Variants in NEK1 observed in about 807,000 individuals in gnomAD.
NEK1 encodes serine/threonine-protein kinase Nek1.
NEK1 carries 137 observed loss-of-function variants against 182.1 expected under a neutral mutation model. The ratio of observed to expected loss-of-function variants is 0.75; its 90% CI spans 0.65 to 0.87. The LOEUF (loss-of-function observed/expected upper bound fraction) is 0.87. Among genes scored for constraint, NEK1 ranks in the 40% least tolerant of loss-of-function variants. The probability of loss-of-function intolerance (pLI) is 0.00; values close to 1 mark genes in which losing one functional copy is unlikely to be tolerated. For synonymous variants in NEK1, 513 were observed against 492.2 expected (o/e 1.04, Z -0.56); for missense variants, 1,391 against 1,494.4 (o/e 0.93, Z 1.14).
rs1001721026 is a variant in NEK1, at chr4:169,457,894, C to T, written c.2587+5349G>A. On this transcript the variant is annotated intron_variant, in intron 27 of 35. Transcript: ENST00000507142. ...AAAAGATATACTATGATGAAGACTACAAAACTGATGAAAAAATTAAAGAAC... is the reference window on the plus strand; with the variant it reads ...AAAAGATATACTATGATGAAGACTATAAAACTGATGAAAAAATTAAAGAAC... 2.0e-5 allele frequency among the ~76,000 whole-genome samples: 3 copies of T among 151,786 alleles called. No homozygotes were observed. In the South Asian group the frequency reaches 6.2e-4, roughly 32 times the overall value.
intron 2 of NEK1, among the ~76,000 whole-genome samples, chr4:169,607,249 C>T (rs1771504640): frequency 6.6e-6 from 1 of 152,136 alleles, no homozygotes. Flanking sequence ...TAAGACTTTT[C>T]ATTCACAATG....
chr4:169,568,579 G>C (rs1338482276), intron 12 of NEK1, among the ~76,000 whole-genome samples: 1 of 151,826 alleles, frequency 6.6e-6, no homozygotes, highest in Non-Finnish European at 1.5e-5. Flanking sequence ...AAAAACACTA[G>C]AACACAAAAT....
rs554437469 is a variant in NEK1 at position 169,538,027 on chromosome 4, A to G, written c.1563-116T>C. ...TTCAGAATATGAAGGCTGATGAAAC[A>G]CTATCTCTGTAATGAAGAAATCACT... On this transcript the variant is annotated intron_variant, in intron 18 of 35. Coordinates refer to ENST00000507142, the MANE Select transcript of NEK1 (RefSeq NM_001199397.3). 72 of 630,646 alleles carry G rather than the reference A, an allele frequency of 1.1e-4. 1 individual carries two copies. The South Asian group carries it at 1.5e-3, about 13-fold the overall frequency. 39.1% of individuals were successfully genotyped at this position (630,646 alleles called of 1,614,324 possible).
intron 2 of NEK1, among the ~76,000 whole-genome samples, chr4:169,605,220 C>T (rs557571673): frequency 6.6e-6 from 1 of 152,272 alleles, no homozygotes; most frequent in African/African-American, 2.4e-5. Flanking sequence ...CTAGGGACCA[C>T]ACTAATAAGA....
intron 12 of NEK1, among the ~76,000 whole-genome samples, chr4:169,565,455 A>G (rs1763533319): frequency 6.6e-6 from 1 of 152,194 alleles, no homozygotes. Context: ...GTTGAAGAAC[A>G]AGAAATAAAA....
chr4:169,537,729 T>C (rs1270953188), intron 19 of NEK1, 80 bp downstream of exon 19: 2 of 1,051,226 alleles, frequency 1.9e-6, no homozygotes, highest in Admixed American at 1.7e-5. Context: ...GTCATTCTTT[T>C]TACTTACACT....
At chr4:169,459,653 GAATA>G (rs1278247535) in intron 27 of NEK1, among the ~76,000 whole-genome samples, 5 of 152,150 alleles carry the variant, frequency 3.3e-5, no homozygotes, top group South Asian at 2.1e-4. Context: ...TCTTGAAAGT[GAATA>G]AATAAACTGT....
At chr4:169,406,190 G>A (rs1208154236) in intron 32 of NEK1, among the ~76,000 whole-genome samples, 7 of 148,696 alleles carry the variant, frequency 4.7e-5, no homozygotes. Flanking sequence ...TCCCAATGTG[G>A]TGGGATTGTA....
intron 19 of NEK1, among the ~76,000 whole-genome samples, chr4:169,534,476 G>A (rs1279985891): frequency 1.3e-5 from 2 of 152,148 alleles, no homozygotes; most frequent in African/African-American, 4.8e-5. Context: ...GAGCTGCACG[G>A]GGGAAGGGTG....
intron 8 of NEK1, 36 bp downstream of exon 8, chr4:169,588,613 G>A (rs1241391458): frequency 6.2e-6 from 8 of 1,299,640 alleles, no homozygotes; most frequent in Middle Eastern, 1.8e-4. Context: ...AAAATTGAAA[G>A]CAAATACATC....
intron 27 of NEK1, among the ~76,000 whole-genome samples, chr4:169,447,794 G>A (rs906783545): frequency 7.2e-5 from 11 of 152,226 alleles, no homozygotes; most frequent in Middle Eastern, 6.8e-3. Flanking sequence ...ACTTGAACCC[G>A]GGAGGTGGAG....
intron 32 of NEK1, among the ~76,000 whole-genome samples, chr4:169,403,604 G>A (rs901885049): frequency 6.6e-6 from 1 of 151,952 alleles, no homozygotes; most frequent in Admixed American, 6.6e-5. Flanking sequence ...AAAGATCAAC[G>A]AAGTATGCAC....
Position 169,438,080 on chromosome 4 carries a change from T to C in NEK1, c.2764+3A>G. On this transcript the variant is annotated splice_donor_region_variant and intron_variant, in intron 28 of 35. Transcript: ENST00000507142. ...TAGCTCATTTTGACTCATTAGAACA[T>C]ACCTTCTAAATTTCCTTCCAGTTTC... 1 of 1,608,296 alleles carries C rather than the reference T, an allele frequency of 6.2e-7. No individual in the cohort carries two copies. Among genetic ancestry groups the C allele is most frequent in the Non-Finnish European group, 8.5e-7 (1 of 1,177,174 alleles).
rs1733697705 is a variant in NEK1, at chr4:169,393,279, T to C, written c.*1231A>G. ...TAAAAGACAATTGATATACTTCAGG[T>C]AGATAATAAAAATTTAATAGCAATA... On this transcript the variant is annotated 3_prime_UTR_variant, in exon 36 of 36. Coordinates refer to ENST00000507142, the MANE Select transcript of NEK1 (RefSeq NM_001199397.3). 1 of 152,106 alleles carries C rather than the reference T, an allele frequency of 6.6e-6. No individual in the cohort carries two copies. The highest frequency in any genetic ancestry group is 2.1e-4 in the South Asian group (1 of 4,826). 9.4% of individuals were successfully genotyped at this position (152,106 alleles called of 1,614,324 possible). A position where few individuals can be genotyped will look rare whatever the true frequency, so the allele number is the denominator to read the frequency against.
chr4:169,477,073 T>C (rs1409967427), intron 26 of NEK1, 51 bp downstream of exon 26: 15 of 1,263,712 alleles, frequency 1.2e-5, no homozygotes, highest in Non-Finnish European at 1.6e-5. Flanking sequence ...AGTCTATAAG[T>C]TTACATATGT....
At chr4:169,584,312 G>A (rs184211175) in intron 10 of NEK1, among the ~76,000 whole-genome samples, 6 of 152,030 alleles carry the variant, frequency 3.9e-5, no homozygotes, top group African/African-American at 9.6e-5. Context: ...TATAAATTAC[G>A]TTAATAACAC....
chr4:169,599,713 C>A (rs1770154942), intron 4 of NEK1, among the ~76,000 whole-genome samples: 1 of 152,028 alleles, frequency 6.6e-6, no homozygotes, highest in Non-Finnish European at 1.5e-5. Context: ...TGTTTCCACC[C>A]TCTTTGAGCT....
At chr4:169,452,184 C>T (rs1034537568) in intron 27 of NEK1, among the ~76,000 whole-genome samples, 6 of 152,128 alleles carry the variant, frequency 3.9e-5, no homozygotes, top group Non-Finnish European at 8.8e-5. Flanking sequence ...TAATAGCTTA[C>T]CAACCAAAAG....
At chr4:169,507,437 GTA>G (rs1471490778) in intron 22 of NEK1, among the ~76,000 whole-genome samples, 2 of 151,842 alleles carry the variant, frequency 1.3e-5, no homozygotes, top group Non-Finnish European at 2.9e-5. Context: ...TCATGGGGAT[GTA>G]TATTCGTATA....
Sources: allele counts gnomAD v4.1 joint callset (sites outside exome capture counted in the v4.1 genomes callset), GRCh38; gene constraint gnomAD v4.1.1; transcripts MANE v1.5; gene names NCBI Gene and HGNC (gene_info 2026-07-23, HGNC 2026-07-21).